Variants in ZFP90 observed in about 807,000 individuals in gnomAD.
The protein encoded by ZFP90 is ZFP90 zinc finger protein.
A neutral mutation model predicts 60.8 loss-of-function variants in ZFP90; 38 were observed. That is an observed-to-expected ratio of 0.62 (90% CI 0.48 to 0.82). The LOEUF (loss-of-function observed/expected upper bound fraction) is 0.82. Among genes scored for constraint, ZFP90 ranks in the 40% least tolerant of loss-of-function variants. ZFP90 has a pLI of 0.00. For synonymous variants in ZFP90, 287 were observed against 264.8 expected (o/e 1.08, Z -0.82); for missense variants, 711 against 759.1 (o/e 0.94, Z 0.74).
intron 2 of ZFP90, among the ~76,000 whole-genome samples, chr16:68,534,288 G>A (rs2090946215): frequency 7.0e-6 from 1 of 142,594 alleles, no homozygotes; most frequent in Non-Finnish European, 1.5e-5. Flanking sequence ...GAGGGCAATG[G>A]CGTGATCTCG....
At position 68,566,200 on chromosome 16, in the gene ZFP90, T is replaced by C; in HGVS notation, c.*1502T>C. 1.0e-6 allele frequency: 1 copy of C among 985,586 alleles called. No individual in the cohort carries two copies. Among genetic ancestry groups the C allele is most frequent in the Non-Finnish European group, 1.2e-6 (1 of 829,952 alleles). The allele number at this position is 985,586 out of a possible 1,614,324, so 61.1% of individuals were successfully genotyped here. On this transcript the variant is annotated 3_prime_UTR_variant, in exon 5 of 5. Transcript: ENST00000563169. ...CATCAGCTAAGCTTCAGTGGCCTGC[T>C]CCATCCCCTAATGACTCCCATGGGC...
At position 68,563,197 on chromosome 16, in the gene ZFP90, A is replaced by G; in HGVS notation, c.410A>G (p.His137Arg). Residue 137 changes from histidine (H) to arginine (R), a missense_variant, in exon 5 of 5, where the codon CAT becomes CGT. By Grantham distance (29) the His-to-Arg change is conservative (BLOSUM62 0). Coordinates refer to ENST00000563169, the MANE Select transcript of ZFP90 (RefSeq NM_001305203.2). ...LDRQQENWKR[H>R]LGSEASTQKK... ...AGGCAACAGGAAAACTGGAAGAGAC[A>G]TCTGGGATCAGAGGCATCCACCCAG... The G allele has an allele frequency of 3.1e-6, 5 of 1,614,218 alleles. No homozygotes were observed. The highest frequency in any genetic ancestry group is 4.2e-6 in the Non-Finnish European group (5 of 1,180,030).
chr16:68,536,079 C>T (rs1299984782), upstream of ZFP90, among the ~76,000 whole-genome samples: 1 of 152,176 alleles, frequency 6.6e-6, no homozygotes, highest in African/African-American at 2.4e-5. Flanking sequence ...AATTATTTTC[C>T]AGTACATGCA....
chr16:68,535,943 C>T (rs1428816342), upstream of ZFP90, among the ~76,000 whole-genome samples: 1 of 152,180 alleles, frequency 6.6e-6, no homozygotes, highest in African/African-American at 2.4e-5. Context: ...TGACTTGGAA[C>T]ACCCGGCTCT....
At chr16:68,549,358 C>G (rs1423888558) in intron 2 of ZFP90, among the ~76,000 whole-genome samples, 1 of 152,112 alleles carries the variant, frequency 6.6e-6, no homozygotes, top group Non-Finnish European at 1.5e-5. Flanking sequence ...CTTGCAGTGT[C>G]AGAGATACTG....
upstream of ZFP90, among the ~76,000 whole-genome samples, chr16:68,534,623 C>T (rs1597703412): frequency 6.6e-6 from 1 of 151,592 alleles, no homozygotes; most frequent in Admixed American, 6.6e-5. Flanking sequence ...AAATTTTTGA[C>T]AGCCGGGCAC....
At chr16:68,550,440 T>C (rs950777621) in intron 2 of ZFP90, among the ~76,000 whole-genome samples, 5 of 152,054 alleles carry the variant, frequency 3.3e-5, no homozygotes, top group African/African-American at 9.7e-5. Context: ...TTGTAGAGAC[T>C]AGGTTTCTCC....
At chr16:68,570,469 A>G (rs1372386428), downstream of ZFP90, among the ~76,000 whole-genome samples, 1 of 152,208 alleles carries the variant, frequency 6.6e-6, no homozygotes. Flanking sequence ...TTTTAATTAC[A>G]TGCAAATCAA....
Position 68,563,645 on chromosome 16 carries a change from A to G in ZFP90, c.858A>G (p.Val286=). 1 of 1,614,148 alleles carries G rather than the reference A, an allele frequency of 6.2e-7. No homozygotes were observed. Among genetic ancestry groups the G allele is most frequent in the Non-Finnish European group, 8.5e-7 (1 of 1,179,992 alleles). The change falls in exon 5 of 5, where the codon GTA becomes GTG. Residue 286 remains valine, a synonymous_variant. Transcript: ENST00000563169. Reference sequence around the variant, plus strand: ...GGGAGAAACCCTTTGAATGCAATGTATGTGGAAAGGCCTTCAGGCATAGCT... The same window carrying G: ...GGGAGAAACCCTTTGAATGCAATGTGTGTGGAAAGGCCTTCAGGCATAGCT... ...HTGEKPFECN[V]CGKAFRHSSS...
At chr16:68,572,797 G>A (rs1262343444) in intron 2 of ZFP90, among the ~76,000 whole-genome samples, 1 of 152,240 alleles carries the variant, frequency 6.6e-6, no homozygotes, top group Non-Finnish European at 1.5e-5. Context: ...TCCTTAAAAT[G>A]TGTTCCCTGT....
Position 68,549,678 on chromosome 16 carries a change from CA to C in ZFP90, c.34-8300del, listed in dbSNP as rs35335958. ...TGGGCGACTGAGCAAGACTCCATCT[CA>C]AAAAAAAAAAAAAAAAAAAGTCTTG... On this transcript the variant is annotated intron_variant, in intron 2 of 4. Coordinates refer to ENST00000563169, the MANE Select transcript of ZFP90 (RefSeq NM_001305203.2). Among the ~76,000 whole-genome samples the C allele has an allele frequency of 2.2e-3, 137 of 62,910 alleles. 1 individual carries two copies. Among genetic ancestry groups the C allele is most frequent in the Middle Eastern group, 0.022 (2 of 92 alleles). The allele number at this position is 62,910 out of a possible 152,430, so 41.3% of individuals were successfully genotyped here.
At position 68,565,739 on chromosome 16, in the gene ZFP90, C is replaced by CT. The variant is rs1267602651; in HGVS notation, c.*1042dup. 6.1e-6 allele frequency: 6 copies of CT among 985,176 alleles called. No individual in the cohort carries two copies. In the African/African-American group the frequency reaches 1.1e-4, roughly 17 times the overall value. The allele number at this position is 985,176 out of a possible 1,614,324, so 61.0% of individuals were successfully genotyped here. A position where few individuals can be genotyped will look rare whatever the true frequency, so the allele number is the denominator to read the frequency against. On this transcript the variant is annotated 3_prime_UTR_variant, in exon 5 of 5. Transcript: ENST00000563169. ...TAATTTTCTTGCAGAAAAGTTAAGT[C>CT]TAATTGCCCATTGCCATAAATTTTG...
downstream of ZFP90, among the ~76,000 whole-genome samples, chr16:68,571,086 C>A (rs957622381): frequency 6.6e-6 from 1 of 152,130 alleles, no homozygotes. Flanking sequence ...CCCATCAGAA[C>A]CAGGGCTTGT....
chr16:68,569,536 AC>A (rs753564829), downstream of ZFP90, among the ~76,000 whole-genome samples: 9 of 151,938 alleles, frequency 5.9e-5, no homozygotes, highest in Non-Finnish European at 1.3e-4. Flanking sequence ...TCTCTCTTTA[AC>A]CTCTGCAGCA....
At position 68,563,130 on chromosome 16, in the gene ZFP90, G is replaced by A; in HGVS notation, c.343G>A (p.Ala115Thr). Residue 115 changes from alanine to threonine, a missense_variant, in exon 5 of 5, where the codon GCT (alanine) becomes ACT (threonine). Physicochemically the swap from Ala to Thr is moderately conservative, Grantham distance 58. This residue lies in a region of ZFP90 where 241 missense variants were observed against 247.6 expected (regional missense o/e 0.97). Transcript: ENST00000563169. ...VSHCTHDLLH[A>T]TLEDSWDVSS... Reference sequence around the variant, plus strand: ...CCACTGCACACATGATCTCTTACATGCTACATTAGAAGACTCCTGGGATGT... The same window carrying A: ...CCACTGCACACATGATCTCTTACATACTACATTAGAAGACTCCTGGGATGT... 6.2e-7 allele frequency: 1 copy of A among 1,614,112 alleles called. No individual in the cohort carries two copies. Among genetic ancestry groups the A allele is most frequent in the Non-Finnish European group, 8.5e-7 (1 of 1,180,014 alleles).
In ZFP90 at chr16:68,564,021, CAT is replaced by C. The variant is rs868288464; in HGVS notation, c.1237_1238del (p.Met413GlufsTer4). ...AFGQSPSLYK[H>X]MRIHKRGKPY... is the part of the protein sequence containing the mutation. ...TGGTCAGAGCCCATCCCTTTATAAA[CAT>C]ATGAGGATTCATAAGAGAGGCAAAC... On this transcript the variant is annotated frameshift_variant, in exon 5 of 5. Coordinates refer to ENST00000563169, the MANE Select transcript of ZFP90 (RefSeq NM_001305203.2). LOFTEE classifies it high-confidence loss of function. 3 of 1,613,960 alleles carry C rather than the reference CAT, an allele frequency of 1.9e-6. No homozygotes were observed. Among genetic ancestry groups the C allele is most frequent in the Non-Finnish European group, 2.5e-6 (3 of 1,180,010 alleles).
downstream of ZFP90, among the ~76,000 whole-genome samples, chr16:68,569,750 A>C (rs1200363319): frequency 6.6e-6 from 1 of 152,140 alleles, no homozygotes; most frequent in African/African-American, 2.4e-5. Flanking sequence ...AAAATGCAAA[A>C]AAAAATGAGT....
At chr16:68,558,679 G>A in intron 4 of ZFP90, 111 bp downstream of exon 4, 1 of 916,708 alleles carries the variant, frequency 1.1e-6, no homozygotes, top group Non-Finnish European at 1.7e-6. Flanking sequence ...CTGCATAGGA[G>A]GCTGAAGCCA....
intron 2 of ZFP90, 125 bp from the exon 3 acceptor site, chr16:68,557,873 C>T (rs985882461): frequency 1.5e-6 from 2 of 1,302,506 alleles, no homozygotes; most frequent in Non-Finnish European, 2.2e-6. Flanking sequence ...TGTAACCCAA[C>T]ATTGCCTCCT....
Sources: gnomAD v4.1 joint callset for allele counts (sites outside exome capture counted in the v4.1 genomes callset) on GRCh38, gnomAD v4.1.1 for gene constraint, gnomAD v4.1.1 regional missense constraint, MANE v1.5 for transcripts, NCBI Gene and HGNC (gene_info 2026-07-23, HGNC 2026-07-21) for gene names.